The following LMO4 variants were observed in gnomAD, a reference collection of about 807,000 sequenced individuals.
The protein encoded by LMO4 is LIM domain only 4.
LMO4 carries 3 observed loss-of-function variants against 18.5 expected under a neutral mutation model. The observed-to-expected ratio is 0.16, with a 90% CI of 0.07 to 0.42. LMO4 has a LOEUF of 0.42. Among genes scored for constraint, LMO4 ranks in the 10% least tolerant of loss-of-function variants. LMO4 has a pLI of 0.99. For missense variants in LMO4, 121 were observed against 219.9 expected (o/e 0.55, Z 2.84); for synonymous variants, 100 against 88.1 (o/e 1.14, Z -0.76).
chr1:87,344,656 C>T, intron 4 of LMO4, 132 bp from the exon 5 acceptor site: 1 of 864,764 alleles, frequency 1.2e-6, no homozygotes, highest in Non-Finnish European at 1.9e-6. Context: ...AAGCCTCTAT[C>T]AAGTCACAGT....
intron 1 of LMO4, among the ~76,000 whole-genome samples, chr1:87,330,223 A>T (rs1182795512): frequency 6.6e-6 from 1 of 151,586 alleles, no homozygotes; most frequent in East Asian, 1.9e-4. Flanking sequence ...ATATATATTT[A>T]CCTCTCACTA....
intron 2 of LMO4, among the ~76,000 whole-genome samples, chr1:87,333,883 T>C (rs976351937): frequency 6.6e-6 from 1 of 151,572 alleles, no homozygotes; most frequent in African/African-American, 2.4e-5. Context: ...AGTGGAAAAA[T>C]TGACAGTGCT....
chr1:87,344,056 C>T (rs539005284), intron 4 of LMO4, among the ~76,000 whole-genome samples: 48 of 152,282 alleles, frequency 3.2e-4, no homozygotes, highest in African/African-American at 1.0e-3. Flanking sequence ...TAACACATTG[C>T]ATGTATTGAA....
rs1039517655 is a variant in LMO4, at chr1:87,345,987, T to C, written c.*1191T>C. On this transcript the variant is annotated 3_prime_UTR_variant, in exon 5 of 5. Coordinates refer to ENST00000370544, the MANE Select transcript of LMO4 (RefSeq NM_006769.4). ...ACGGCACAACCATCCTGTTCTCTTATTGAGTTTATAGCTTTTGAAGGAAGT... is the reference window on the plus strand; with the variant it reads ...ACGGCACAACCATCCTGTTCTCTTACTGAGTTTATAGCTTTTGAAGGAAGT... 7 of 152,164 alleles carry C rather than the reference T, an allele frequency of 4.6e-5. No homozygotes were observed. The highest frequency in any genetic ancestry group is 8.8e-5 in the Non-Finnish European group (6 of 68,028). 9.4% of individuals were successfully genotyped at this position (152,164 alleles called of 1,614,324 possible). A position where few individuals can be genotyped will look rare whatever the true frequency, so the allele number is the denominator to read the frequency against.
At position 87,330,005 on chromosome 1, in the gene LMO4, T is replaced by TTTC. The variant is rs1491453844; in HGVS notation, c.-4+763_-4+764insCTT. ...AAGCCTATTTAACTTAAAAGCTTTCTTTTTTTTTTTTTTTTTTCCAACTCT... is the reference window on the plus strand; with the variant it reads ...AAGCCTATTTAACTTAAAAGCTTTCTTTCTTTTTTTTTTTTTTTTTCCAACTCT... On this transcript the variant is annotated intron_variant, in intron 1 of 4. Coordinates refer to ENST00000370544, the MANE Select transcript of LMO4 (RefSeq NM_006769.4). 2.4e-4 allele frequency among the ~76,000 whole-genome samples: 26 copies of TTTC among 108,056 alleles called. 1 individual carries two copies. The South Asian group carries it at 5.1e-3, about 21-fold the overall frequency. The allele number at this position is 108,056 out of a possible 152,430, so 70.9% of individuals were successfully genotyped here.
Position 87,346,852 on chromosome 1 carries a change from C to CTT in LMO4, c.*2057_*2058dup, listed in dbSNP as rs1022080076. ...GAATTTCTTCAAACTAGTTCTGGTT[C>CTT]TTATATTTGTTTTTTTTCCTTTAAG... On this transcript the variant is annotated 3_prime_UTR_variant, in exon 5 of 5. Transcript: ENST00000370544. The CTT allele has an allele frequency of 1.3e-5, 2 of 152,020 alleles. No individual in the cohort carries two copies. The highest frequency in any genetic ancestry group is 4.8e-5 in the African/African-American group (2 of 41,372). The allele number at this position is 152,020 out of a possible 1,614,324, so 9.4% of individuals were successfully genotyped here. A position where few individuals can be genotyped will look rare whatever the true frequency, so the allele number is the denominator to read the frequency against.
Position 87,345,111 on chromosome 1 carries a change from A to C in LMO4, c.*315A>C. 2 of 334,904 alleles carry C rather than the reference A, an allele frequency of 6.0e-6. No individual in the cohort carries two copies. Among genetic ancestry groups the C allele is most frequent in the East Asian group, 5.2e-5 (1 of 19,292 alleles). The allele number at this position is 334,904 out of a possible 1,614,324, so 20.7% of individuals were successfully genotyped here. ...GGAAATGACTAATGAAGCTAATTAA[A>C]AGAAGCATTCAAATCTGCTTTCTAC... is the stretch of plus-strand genomic sequence containing the variant. On this transcript the variant is annotated 3_prime_UTR_variant, in exon 5 of 5. Coordinates refer to ENST00000370544, the MANE Select transcript of LMO4 (RefSeq NM_006769.4).
At position 87,345,303 on chromosome 1, in the gene LMO4, C is replaced by T. The variant is rs1650595391; in HGVS notation, c.*507C>T. The T allele has an allele frequency of 6.6e-6, 1 of 152,240 alleles. No individual in the cohort carries two copies. The highest frequency in any genetic ancestry group is 1.5e-5 in the Non-Finnish European group (1 of 68,392). 9.4% of individuals were successfully genotyped at this position (152,240 alleles called of 1,614,324 possible). On this transcript the variant is annotated 3_prime_UTR_variant, in exon 5 of 5. Transcript: ENST00000370544. ...ATGTGGCTTTTGTGATATTCTATCA[C>T]AAACACTTATTGTATCTCTGTAAAA... is the stretch of plus-strand genomic sequence containing the variant.
In LMO4 at chr1:87,340,390, T is replaced by TA. The variant is rs200929545; in HGVS notation, c.489+198dup. Among the ~76,000 whole-genome samples the TA allele has an allele frequency of 7.1e-3, 1,061 of 150,428 alleles. 12 individuals are homozygous for TA. The highest frequency in any genetic ancestry group is 0.024 in the African/African-American group (997 of 41,060). ...GATTAAATTGTGAATCCTTTCTAGT[T>TA]AAAAAAAAAATCCTGACTTTGTTAT... On this transcript the variant is annotated intron_variant, in intron 4 of 4. Transcript: ENST00000370544.
At position 87,348,797 on chromosome 1, in the gene LMO4, G is replaced by A. The variant is rs753720715; in HGVS notation, c.*4001G>A. 3.9e-6 allele frequency: 2 copies of A among 506,900 alleles called. No homozygotes were observed. Among genetic ancestry groups the A allele is most frequent in the Non-Finnish European group, 7.9e-6 (2 of 253,980 alleles). The allele number at this position is 506,900 out of a possible 1,614,324, so 31.4% of individuals were successfully genotyped here. On this transcript the variant is annotated 3_prime_UTR_variant, in exon 5 of 5. Transcript: ENST00000370544. ...TTTTCAAGTTCAGATTGATTCTGCT[G>A]AGAATGGACGGCAACTCGGAGGCCT...
intron 2 of LMO4, among the ~76,000 whole-genome samples, chr1:87,332,739 A>G (rs1650192745): frequency 6.6e-6 from 1 of 152,202 alleles, no homozygotes; most frequent in Non-Finnish European, 1.5e-5. Context: ...AACTTTTTTG[A>G]GCGGAAGGCT....
chr1:87,340,877 C>T (rs1448355493), intron 4 of LMO4, among the ~76,000 whole-genome samples: 2 of 151,988 alleles, frequency 1.3e-5, no homozygotes, highest in African/African-American at 2.4e-5. Context: ...AATCCTTGTA[C>T]CAGAATTAAA....
At chr1:87,335,406 C>T (rs1273847200) in intron 2 of LMO4, among the ~76,000 whole-genome samples, 1 of 151,832 alleles carries the variant, frequency 6.6e-6, no homozygotes, top group Admixed American at 6.6e-5. Context: ...CGGGCCGGCG[C>T]CGCCCGAGGC....
chr1:87,334,551 C>A (rs1650243996), intron 2 of LMO4, among the ~76,000 whole-genome samples: 1 of 152,210 alleles, frequency 6.6e-6, no homozygotes, highest in Non-Finnish European at 1.5e-5. Flanking sequence ...ATCTGCTCGC[C>A]CGCCGCCAGG....
rs1455250180 is a variant in LMO4 at position 87,332,028 on chromosome 1, G to A, written c.13G>A (p.Gly5Ser). Residue 5 changes from glycine (G) to serine (S), a missense_variant, in exon 2 of 5, where the codon GGC becomes AGC. This residue lies in a region of LMO4 where 51 missense variants were observed against 56.8 expected (regional missense o/e 0.90). Coordinates refer to ENST00000370544, the MANE Select transcript of LMO4 (RefSeq NM_006769.4). The part of the protein sequence containing the change: MVNP[G>S]SSSQPPPVTA... ...CCCTCTGCAGACCATGGTGAATCCG[G>A]GCAGCAGCTCGCAGCCGCCCCCGGT... 1 of 1,612,252 alleles carries A rather than the reference G, an allele frequency of 6.2e-7. No homozygotes were observed. The highest frequency in any genetic ancestry group is 1.1e-5 in the South Asian group (1 of 90,982).
rs397949898 is a variant in LMO4 at position 87,331,063 on chromosome 1, G to GCCCCCCC, written c.-3-940_-3-934dup. Among the ~76,000 whole-genome samples the GCCCCCCC allele has an allele frequency of 7.1e-4, 3 of 4,252 alleles. 1 individual carries two copies. The highest frequency in any genetic ancestry group is 3.4e-3 in the East Asian group (1 of 290). 2.8% of individuals were successfully genotyped at this position (4,252 alleles called of 152,430 possible). A position where few individuals can be genotyped will look rare whatever the true frequency, so the allele number is the denominator to read the frequency against. On this transcript the variant is annotated intron_variant, in intron 1 of 4. Coordinates refer to ENST00000370544, the MANE Select transcript of LMO4 (RefSeq NM_006769.4). ...TCGCACATTATCTGTAACGCCGCCC[G>GCCCCCCC]CCCCCCCCCCCCCCCCGCCCTTTGG...
chr1:87,347,064 A>T lies in LMO4; in HGVS notation c.*2268A>T, dbSNP rs1405361318. 7 of 152,254 alleles carry T rather than the reference A, an allele frequency of 4.6e-5. No individual in the cohort carries two copies. Among genetic ancestry groups the T allele is most frequent in the African/African-American group, 1.4e-4 (6 of 41,464 alleles). The allele number at this position is 152,254 out of a possible 1,614,324, so 9.4% of individuals were successfully genotyped here. A position where few individuals can be genotyped will look rare whatever the true frequency, so the allele number is the denominator to read the frequency against. The stretch of plus-strand genomic sequence containing the variant: ...TTTAATGATGTGGAGGGCTAAGGTC[A>T]TTACGGACTTTAAATAAACTATTAT... On this transcript the variant is annotated 3_prime_UTR_variant, in exon 5 of 5. Coordinates refer to ENST00000370544, the MANE Select transcript of LMO4 (RefSeq NM_006769.4).
At chr1:87,330,312 G>A (rs556842627) in intron 1 of LMO4, among the ~76,000 whole-genome samples, 1 of 152,142 alleles carries the variant, frequency 6.6e-6, no homozygotes, top group Admixed American at 6.5e-5. Flanking sequence ...TTAAAACGTT[G>A]GGGGAAACAG....
rs1650628296 is a variant in LMO4 at position 87,346,426 on chromosome 1, A to C, written c.*1630A>C. 6.6e-6 allele frequency: 1 copy of C among 152,240 alleles called. No homozygotes were observed. 9.4% of individuals were successfully genotyped at this position (152,240 alleles called of 1,614,324 possible). A position where few individuals can be genotyped will look rare whatever the true frequency, so the allele number is the denominator to read the frequency against. ...TTAGATGTGAGCAAATTTCAACTAC[A>C]ACTTCCATCACAGGCTAATAAAACC... is the stretch of plus-strand genomic sequence containing the variant. On this transcript the variant is annotated 3_prime_UTR_variant, in exon 5 of 5. Coordinates refer to ENST00000370544, the MANE Select transcript of LMO4 (RefSeq NM_006769.4).
Sources: gnomAD v4.1 joint callset for allele counts (sites outside exome capture counted in the v4.1 genomes callset) on GRCh38, gnomAD v4.1.1 for gene constraint, gnomAD v4.1.1 regional missense constraint, MANE v1.5 for transcripts, NCBI Gene and HGNC (gene_info 2026-07-23, HGNC 2026-07-21) for gene names.